Variants in UNC13B observed in about 807,000 individuals in gnomAD.
UNC13B encodes protein unc-13 homolog B.
A neutral mutation model predicts 211.0 loss-of-function variants in UNC13B; 144 were observed. The ratio of observed to expected loss-of-function variants is 0.68; its 90% CI spans 0.60 to 0.78. The LOEUF is 0.78. Among genes scored for constraint, UNC13B ranks in the 30% least tolerant of loss-of-function variants. The pLI is 0.00. For synonymous variants in UNC13B, 709 were observed against 725.8 expected, an observed-to-expected ratio of 0.98 and a Z score of 0.37; for missense variants, 1,777 against 2,002.0, an observed-to-expected ratio of 0.89 and a Z score of 2.14.
chr9:35,386,596 CTT>C, intron 24 of UNC13B, among the ~76,000 whole-genome samples: 1 of 152,308 alleles, frequency 6.6e-6, no homozygotes, highest in Non-Finnish European at 1.5e-5. Context: ...ATCCCAGAGT[CTT>C]TTTTTCTCCC....
Position 35,308,023 on chromosome 9 carries a change from T to C in UNC13B, c.8619T>C (p.Leu2873=), listed in dbSNP as rs916934824. 1.0e-5 allele frequency: 4 copies of C among 398,958 alleles called. No homozygotes were observed. The highest frequency in any genetic ancestry group is 1.3e-5 in the Non-Finnish European group (3 of 226,120). 24.7% of individuals were successfully genotyped at this position (398,958 alleles called of 1,614,324 possible). The part of the protein sequence containing the change: ...PVLVTSSDQD[L]NSSEANKALK... ...TAGTTACTAGCAGTGATCAGGACCTTAACTCCAGTGAGGCTAACAAAGCTT... is the reference window on the plus strand; with the variant it reads ...TAGTTACTAGCAGTGATCAGGACCTCAACTCCAGTGAGGCTAACAAAGCTT... Residue 2873 remains leucine (L), a synonymous_variant, in exon 9 of 40, where the codon CTT becomes CTC. Transcript: ENST00000635942.
intron 11 of UNC13B, chr9:35,342,197 T>C: frequency 1.0e-6 from 1 of 985,668 alleles, no homozygotes; most frequent in Non-Finnish European, 1.2e-6. Flanking sequence ...GCTCAGAAAG[T>C]TCGTCCTGTG....
At chr9:35,374,692 G>T (rs972947910) in intron 13 of UNC13B, among the ~76,000 whole-genome samples, 4 of 152,234 alleles carry the variant, frequency 2.6e-5, no homozygotes, top group African/African-American at 7.2e-5. Flanking sequence ...AGGTATAGAG[G>T]TTAGCATGGA....
In UNC13B at chr9:35,307,340, G is replaced by C. The variant is rs1211371400; in HGVS notation, c.7936G>C (p.Ala2646Pro). 1 of 399,038 alleles carries C rather than the reference G, an allele frequency of 2.5e-6. No homozygotes were observed. Among genetic ancestry groups the C allele is most frequent in the African/African-American group, 2.1e-5 (1 of 48,728 alleles). The allele number at this position is 399,038 out of a possible 1,614,324, so 24.7% of individuals were successfully genotyped here. ...TACAGACACGGAGGCATCGTTAGAA[G>C]CAGAGAACTTTGCGCTGCCAGCACA... Reference protein sequence around the residue: ...QATDTEASLEAENFALPAQLH... With the variant: ...QATDTEASLEPENFALPAQLH... Residue 2646 changes from alanine (A) to proline (P), a missense_variant, in exon 9 of 40, where the codon GCA becomes CCA. Physicochemically the swap from Ala to Pro is conservative, Grantham distance 27. Coordinates refer to ENST00000635942, the MANE Select transcript of UNC13B (RefSeq NM_001371189.2).
At chr9:35,191,529 C>T (rs1414467915) in intron 1 of UNC13B, among the ~76,000 whole-genome samples, 1 of 152,166 alleles carries the variant, frequency 6.6e-6, no homozygotes, top group Non-Finnish European at 1.5e-5. Flanking sequence ...AAATGAGAAA[C>T]CATGGCTTAG....
intron 11 of UNC13B, among the ~76,000 whole-genome samples, chr9:35,322,207 A>T (rs1830771216): frequency 6.6e-6 from 1 of 152,174 alleles, no homozygotes; most frequent in African/African-American, 2.4e-5. Flanking sequence ...GTTTGATGAC[A>T]TTGCTATTGC....
At chr9:35,387,810 T>C (rs1835279794) in intron 24 of UNC13B, among the ~76,000 whole-genome samples, 1 of 152,194 alleles carries the variant, frequency 6.6e-6, no homozygotes, top group African/African-American at 2.4e-5. Context: ...GGGGATCTCA[T>C]GGTTTAGTGG....
intron 6 of UNC13B, among the ~76,000 whole-genome samples, chr9:35,256,919 CATT>C (rs1826913677): frequency 6.6e-6 from 1 of 152,076 alleles, no homozygotes; most frequent in African/African-American, 2.4e-5. Context: ...GCTGTCTTAA[CATT>C]ATTAATTATA....
chr9:35,179,685 G>A (rs1394279481), intron 1 of UNC13B, among the ~76,000 whole-genome samples: 1 of 152,120 alleles, frequency 6.6e-6, no homozygotes, highest in Non-Finnish European at 1.5e-5. Flanking sequence ...CAGCTTTTTG[G>A]AAGGCTGAGG....
chr9:35,335,025 G>A (rs1376896049), intron 11 of UNC13B, among the ~76,000 whole-genome samples: 1 of 152,204 alleles, frequency 6.6e-6, no homozygotes, highest in Admixed American at 6.5e-5. Flanking sequence ...TGACAAGAGT[G>A]AGACTCCGTC....
intron 11 of UNC13B, among the ~76,000 whole-genome samples, chr9:35,327,234 G>T (rs1175548379): frequency 2.0e-5 from 3 of 152,174 alleles, no homozygotes; most frequent in Non-Finnish European, 4.4e-5. Flanking sequence ...AGAACCAATA[G>T]GATATATGTA....
At chr9:35,387,027 T>G (rs868447382) in intron 24 of UNC13B, among the ~76,000 whole-genome samples, 2 of 152,214 alleles carry the variant, frequency 1.3e-5, no homozygotes, top group Non-Finnish European at 2.9e-5. Flanking sequence ...CCAACAAATA[T>G]TGAATGTTTG....
chr9:35,398,206 C>A lies in UNC13B; in HGVS notation c.11755-5C>A, dbSNP rs992598821. 4 of 1,612,822 alleles carry A rather than the reference C, an allele frequency of 2.5e-6. No homozygotes were observed. Among genetic ancestry groups the A allele is most frequent in the African/African-American group, 1.3e-5 (1 of 74,894 alleles). The stretch of plus-strand genomic sequence containing the variant: ...AAGACTCAACAGCTACATCTGTCCC[C>A]AAAGCCCTGCATCCTGATGAACAAC... On this transcript the variant is annotated splice_region_variant and splice_polypyrimidine_tract_variant and intron_variant, in intron 30 of 39. Coordinates refer to ENST00000635942, the MANE Select transcript of UNC13B (RefSeq NM_001371189.2).
chr9:35,397,582 C>A, intron 29 of UNC13B, 53 bp from the exon 30 acceptor site: 2 of 1,564,714 alleles, frequency 1.3e-6, no homozygotes, highest in Non-Finnish European at 1.7e-6. Flanking sequence ...GCAAGATCCC[C>A]ATAGAAGAGC....
At chr9:35,324,695 C>T (rs1830914533) in intron 11 of UNC13B, among the ~76,000 whole-genome samples, 1 of 152,186 alleles carries the variant, frequency 6.6e-6, no homozygotes, top group African/African-American at 2.4e-5. Flanking sequence ...TCCAACTCTC[C>T]TCTTTGATCT....
chr9:35,362,852 C>T (rs946186000), intron 11 of UNC13B, among the ~76,000 whole-genome samples: 3 of 149,620 alleles, frequency 2.0e-5, no homozygotes, highest in African/African-American at 7.4e-5. Context: ...CTCATCTGTA[C>T]AATGGTGGGA....
intron 3 of UNC13B, among the ~76,000 whole-genome samples, chr9:35,232,536 G>A (rs1825275201): frequency 6.6e-6 from 1 of 151,960 alleles, no homozygotes; most frequent in Admixed American, 6.6e-5. Context: ...AGATTATAAG[G>A]TTTTGGGCTA....
intron 1 of UNC13B, among the ~76,000 whole-genome samples, chr9:35,176,503 G>A (rs888013938): frequency 6.6e-6 from 1 of 151,428 alleles, no homozygotes; most frequent in Non-Finnish European, 1.5e-5. Flanking sequence ...AGCTGAAATC[G>A]CACCACTGCA....
chr9:35,384,308 A>G lies in UNC13B; in HGVS notation c.10869A>G (p.Thr3623=). 1 of 1,613,752 alleles carries G rather than the reference A, an allele frequency of 6.2e-7. No homozygotes were observed. Among genetic ancestry groups the G allele is most frequent in the Non-Finnish European group, 8.5e-7 (1 of 1,179,846 alleles). The change falls in exon 22 of 40, where the codon ACA becomes ACG. Residue 3623 remains threonine, a synonymous_variant. Transcript: ENST00000635942. ...ACTCACTGAGGATCGACCTCTCTACATACAGGGTGAGTGAAGACACGGCTG... is the reference window on the plus strand; with the variant it reads ...ACTCACTGAGGATCGACCTCTCTACGTACAGGGTGAGTGAAGACACGGCTG... ...LHNSLRIDLS[T]YRNNFPAGSP... is the part of the protein sequence containing the mutation.
Sources: gnomAD v4.1 joint callset for allele counts (sites outside exome capture counted in the v4.1 genomes callset) on GRCh38, gnomAD v4.1.1 for gene constraint, MANE v1.5 for transcripts, NCBI Gene and HGNC (gene_info 2026-07-23, HGNC 2026-07-21) for gene names.